AKR1D1: variants seen among roughly 807,000 people sequenced by gnomAD.
The protein encoded by AKR1D1 is delta(4)-3-ketosteroid 5-beta-reductase.
AKR1D1 carries 32 observed loss-of-function variants against 42.6 expected under a neutral mutation model. The ratio of observed to expected loss-of-function variants is 0.75; its 90% CI spans 0.57 to 1.01. The LOEUF is 1.01. Among genes scored for constraint, AKR1D1 ranks in the 50% least tolerant of loss-of-function variants. The probability of loss-of-function intolerance (pLI) is 0.00; values close to 1 mark genes in which losing one functional copy is unlikely to be tolerated. For missense variants in AKR1D1, 364 were observed against 402.2 expected, an observed-to-expected ratio of 0.91 and a Z score of 0.81; for synonymous variants, 123 against 135.5, an observed-to-expected ratio of 0.91 and a Z score of 0.64.
At chr7:138,108,360 T>A (rs1794474032) in intron 7 of AKR1D1, among the ~76,000 whole-genome samples, 2 of 152,204 alleles carry the variant, frequency 1.3e-5, no homozygotes. Flanking sequence ...CAAAAGTAAA[T>A]TGCCTGTTTA....
chr7:138,093,806 G>A (rs1794134457), intron 3 of AKR1D1, among the ~76,000 whole-genome samples: 1 of 152,152 alleles, frequency 6.6e-6, no homozygotes, highest in South Asian at 2.1e-4. Context: ...ATGATTATGT[G>A]TGTTCTACTT....
chr7:138,103,443 A>T (rs1299281466), intron 4 of AKR1D1, among the ~76,000 whole-genome samples: 1 of 152,152 alleles, frequency 6.6e-6, no homozygotes, highest in African/African-American at 2.4e-5. Context: ...AACTTCTTAA[A>T]AGTAATAAAG....
At chr7:138,082,583 G>A (rs1368033193) in intron 1 of AKR1D1, among the ~76,000 whole-genome samples, 1 of 151,844 alleles carries the variant, frequency 6.6e-6, no homozygotes, top group Non-Finnish European at 1.5e-5. Context: ...TGTAAGACAG[G>A]GTCTTACTAT....
intron 7 of AKR1D1, among the ~76,000 whole-genome samples, chr7:138,110,100 T>G (rs188620050): frequency 6.6e-6 from 1 of 152,204 alleles, no homozygotes; most frequent in East Asian, 1.9e-4. Flanking sequence ...CTTTAGGGAA[T>G]AGACTCACCC....
chr7:138,078,277 G>T (rs868226169), intron 1 of AKR1D1, among the ~76,000 whole-genome samples: 4 of 152,020 alleles, frequency 2.6e-5, no homozygotes, highest in African/African-American at 9.7e-5. Flanking sequence ...TTGGAACTTC[G>T]TTCTATAGTA....
intron 1 of AKR1D1, among the ~76,000 whole-genome samples, chr7:138,083,472 A>G (rs556070379): frequency 1.3e-5 from 2 of 152,116 alleles, no homozygotes; most frequent in Non-Finnish European, 2.9e-5. Context: ...CCTTTTAATT[A>G]TATCTTGGAT....
intron 3 of AKR1D1, among the ~76,000 whole-genome samples, chr7:138,092,244 A>T (rs1048729505): frequency 2.0e-5 from 3 of 152,168 alleles, no homozygotes; most frequent in Non-Finnish European, 4.4e-5. Flanking sequence ...ACTATAGTTT[A>T]AGCTCTCTGC....
intron 1 of AKR1D1, among the ~76,000 whole-genome samples, chr7:138,080,848 A>G (rs1020684765): frequency 6.6e-6 from 1 of 152,130 alleles, no homozygotes; most frequent in African/African-American, 2.4e-5. Context: ...TTGAACTCCT[A>G]GGCTCAAGCA....
At chr7:138,082,826 T>G (rs1252756417) in intron 1 of AKR1D1, among the ~76,000 whole-genome samples, 1 of 152,240 alleles carries the variant, frequency 6.6e-6, no homozygotes, top group African/African-American at 2.4e-5. Context: ...CCATGTTGTG[T>G]ACTGCAGAAT....
At chr7:138,097,980 ATT>A in intron 4 of AKR1D1, 37 bp downstream of exon 4, 1 of 1,454,572 alleles carries the variant, frequency 6.9e-7, no homozygotes, top group Non-Finnish European at 9.7e-7. Context: ...AAAAGACGAT[ATT>A]TTTAAAACTG....
intron 1 of AKR1D1, among the ~76,000 whole-genome samples, chr7:138,085,054 C>CAAAAAAAAAAAAA (rs58253168): frequency 1.4e-5 from 1 of 70,822 alleles, no homozygotes; most frequent in Non-Finnish European, 2.4e-5. Flanking sequence ...GACTCCGTCT[C>CAAAAAAAAAAAAA]AAAAAAAAAA....
At position 138,080,310 on chromosome 7, in the gene AKR1D1, C is replaced by T. The variant is rs1256148021; in HGVS notation, c.93+3699C>T. Among the ~76,000 whole-genome samples, 4 of 151,946 alleles carry T rather than the reference C, an allele frequency of 2.6e-5. No individual in the cohort carries two copies. In the South Asian group the frequency reaches 8.3e-4, roughly 31 times the overall value. ...GTCTGAAACTCCTGAACTCAAGCAA[C>T]TCTCCCACCTTGGCCTTCAAAATTG... On this transcript the variant is annotated intron_variant, in intron 1 of 8. Coordinates refer to ENST00000242375, the MANE Select transcript of AKR1D1 (RefSeq NM_005989.4).
At chr7:138,081,229 A>T (rs1033129559) in intron 1 of AKR1D1, among the ~76,000 whole-genome samples, 4 of 152,166 alleles carry the variant, frequency 2.6e-5, no homozygotes, top group African/African-American at 9.7e-5. Flanking sequence ...CCAAGATTTC[A>T]AGAGTTATGC....
At chr7:138,100,110 A>AAAAAAAAAAAAAAAAAAAAAAAAAAAG (rs1794264130) in intron 4 of AKR1D1, among the ~76,000 whole-genome samples, 1 of 148,926 alleles carries the variant, frequency 6.7e-6, no homozygotes, top group Non-Finnish European at 1.5e-5. Context: ...AAAAAAAAAA[A>AAAAAAAAAAAAAAAAAAAAAAAAAAAG]AAAAAAAACA....
At chr7:138,113,860 A>G in intron 8 of AKR1D1, 88 bp downstream of exon 8, 3 of 1,190,538 alleles carry the variant, frequency 2.5e-6, no homozygotes, top group Non-Finnish European at 3.7e-6. Flanking sequence ...ACCCTGACCT[A>G]TGTCCATAGC....
At position 138,091,785 on chromosome 7, in the gene AKR1D1, T is replaced by G. The variant is rs1288971503; in HGVS notation, c.279T>G (p.His93Gln). 2 of 1,612,952 alleles carry G rather than the reference T, an allele frequency of 1.2e-6. No homozygotes were observed. The highest frequency in any genetic ancestry group is 8.5e-7 in the Non-Finnish European group (1 of 1,178,864). Residue 93 changes from histidine (H) to glutamine (Q), a missense_variant, in exon 3 of 9, where the codon CAT becomes CAG. By Grantham distance (24) the His-to-Gln change is conservative. Coordinates refer to ENST00000242375, the MANE Select transcript of AKR1D1 (RefSeq NM_005989.4). ...TCTTTCAGCTATGGGCTACAAATCATGTCCCAGAGATGGTCCGCCCAACCC... is the reference window on the plus strand; with the variant it reads ...TCTTTCAGCTATGGGCTACAAATCAGGTCCCAGAGATGGTCCGCCCAACCC... ...FYCGKLWATN[H>Q]VPEMVRPTLE...
intron 1 of AKR1D1, among the ~76,000 whole-genome samples, chr7:138,082,224 T>A (rs1380652279): frequency 6.6e-6 from 1 of 152,240 alleles, no homozygotes; most frequent in African/African-American, 2.4e-5. Context: ...AGATATCTTA[T>A]CAGATTTTTG....
At chr7:138,105,528 T>C in intron 5 of AKR1D1, 99 bp downstream of exon 5, 1 of 1,514,854 alleles carries the variant, frequency 6.6e-7, no homozygotes, top group Non-Finnish European at 9.1e-7. Flanking sequence ...TCATGATTGC[T>C]CCACCTAAAT....
At chr7:138,091,397 G>A (rs565917771) in intron 2 of AKR1D1, 10 of 315,692 alleles carry the variant, frequency 3.2e-5, no homozygotes, top group Non-Finnish European at 6.2e-5. Flanking sequence ...GTGTATGTGA[G>A]TAGCTGCACT....
Sources: allele counts gnomAD v4.1 joint callset (sites outside exome capture counted in the v4.1 genomes callset), GRCh38; gene constraint gnomAD v4.1.1; transcripts MANE v1.5; gene names NCBI Gene and HGNC (gene_info 2026-07-23, HGNC 2026-07-21).